Variants in SREBF2 observed in about 807,000 individuals in gnomAD.
The protein encoded by SREBF2 is sterol regulatory element-binding protein 2.
Under a neutral mutation model 113.1 loss-of-function variants are expected in SREBF2, and 55 were observed. The observed-to-expected ratio is 0.49, with a 90% CI of 0.39 to 0.61. SREBF2 has a LOEUF of 0.61. Ranked by LOEUF, SREBF2 falls within the 20% of genes least tolerant of loss-of-function variation. The pLI is 0.00. For synonymous variants in SREBF2, 593 were observed against 605.7 expected (o/e 0.98, Z 0.31); for missense variants, 1,349 against 1,487.4 (o/e 0.91, Z 1.53).
chr22:41,878,039 T>C lies in SREBF2; in HGVS notation c.1677T>C (p.His559=). Reference sequence around the variant, plus strand: ...GCGTCTTTGTGAAGCTGCTGGTTCATGGGGAGCCAGTGATCCGGCCACACT... The same window carrying C: ...GCGTCTTTGTGAAGCTGCTGGTTCACGGGGAGCCAGTGATCCGGCCACACT... ...VLSVFVKLLV[H]GEPVIRPHSR... Residue 559 remains histidine, a synonymous_variant, in exon 9 of 19, where the codon CAT becomes CAC. Coordinates refer to ENST00000361204, the MANE Select transcript of SREBF2 (RefSeq NM_004599.4). The C allele has an allele frequency of 6.2e-7, 1 of 1,614,190 alleles. No individual in the cohort carries two copies. The highest frequency in any genetic ancestry group is 8.5e-7 in the Non-Finnish European group (1 of 1,180,028).
At chr22:41,904,503 C>T (rs944677135) in intron 17 of SREBF2, 2 of 504,012 alleles carry the variant, frequency 4.0e-6, no homozygotes, top group East Asian at 1.1e-4. Flanking sequence ...CCCCTCTGTC[C>T]CTGTCACACC....
intron 4 of SREBF2, among the ~76,000 whole-genome samples, chr22:41,872,017 G>A (rs1016008917): frequency 3.9e-5 from 6 of 151,968 alleles, no homozygotes; most frequent in Admixed American, 6.6e-5. Context: ...TTGGGAGGCC[G>A]AGGTGGGTAG....
At chr22:41,882,190 G>A (rs1410651841) in intron 10 of SREBF2, among the ~76,000 whole-genome samples, 1 of 152,138 alleles carries the variant, frequency 6.6e-6, no homozygotes, top group African/African-American at 2.4e-5. Context: ...ATTAGAAGGT[G>A]GAATTGACTG....
Position 41,905,619 on chromosome 22 carries a change from A to G in SREBF2, c.3385A>G (p.Ile1129Val). Reference protein sequence around the residue: ...RRSCNDCQQMIVKLGGGTAIA... With the variant: ...RRSCNDCQQMVVKLGGGTAIA... Reference sequence around the variant, plus strand: ...CTCCTGCAACGACTGCCAGCAGATGATTGTTAAGCTGGGTGGTGGCACTGC... The same window carrying G: ...CTCCTGCAACGACTGCCAGCAGATGGTTGTTAAGCTGGGTGGTGGCACTGC... Residue 1129 changes from isoleucine (I) to valine (V), a missense_variant, in exon 19 of 19, where the codon ATT becomes GTT. Physicochemically the swap from Ile to Val is conservative, Grantham distance 29. Transcript: ENST00000361204. 1 of 1,598,870 alleles carries G rather than the reference A, an allele frequency of 6.3e-7. No homozygotes were observed. The highest frequency in any genetic ancestry group is 1.7e-4 in the Middle Eastern group (1 of 6,056).
At chr22:41,873,679 A>G (rs769066024) in intron 4 of SREBF2, 119 bp from the exon 5 acceptor site, 48 of 994,520 alleles carry the variant, frequency 4.8e-5, no homozygotes, top group Non-Finnish European at 5.9e-5. Context: ...AGAGTCTCAG[A>G]CCTCATGAAG....
intron 1 of SREBF2, among the ~76,000 whole-genome samples, chr22:41,857,120 G>A (rs1244724609): frequency 6.6e-6 from 1 of 151,428 alleles, no homozygotes; most frequent in Non-Finnish European, 1.5e-5. Context: ...GGATGAACAA[G>A]ATACTCAAAG....
chr22:41,885,544 A>G, intron 11 of SREBF2: 1 of 184,332 alleles, frequency 5.4e-6, no homozygotes, highest in Non-Finnish European at 1.2e-5. Flanking sequence ...GTCTACAAGG[A>G]GCTCAGGTCA....
chr22:41,900,760 T>C (rs1602350147), intron 16 of SREBF2, among the ~76,000 whole-genome samples: 1 of 152,318 alleles, frequency 6.6e-6, no homozygotes, highest in Middle Eastern at 3.4e-3. Context: ...GCCCATAGCC[T>C]CTGTAAGCCC....
intron 11 of SREBF2, among the ~76,000 whole-genome samples, chr22:41,889,815 A>G (rs1177681395): frequency 6.6e-6 from 1 of 152,076 alleles, no homozygotes; most frequent in Non-Finnish European, 1.5e-5. Flanking sequence ...AGCCTGGCCA[A>G]CATGATGAAA....
At chr22:41,870,748 T>G (rs2077132261) in intron 3 of SREBF2, 141 bp from the exon 4 acceptor site, 1 of 1,224,142 alleles carries the variant, frequency 8.2e-7, no homozygotes, top group Non-Finnish European at 1.2e-6. Context: ...CTATGAAATT[T>G]CCTGTTCATT....
chr22:41,839,991 ACT>A (rs1473326873), intron 1 of SREBF2, among the ~76,000 whole-genome samples: 1 of 121,098 alleles, frequency 8.3e-6, no homozygotes, highest in African/African-American at 3.3e-5. Context: ...ACGGAGTCTC[ACT>A]CTGTCGCCCA....
intron 1 of SREBF2, among the ~76,000 whole-genome samples, chr22:41,842,756 G>A (rs1239224116): frequency 2.0e-5 from 3 of 152,256 alleles, no homozygotes; most frequent in South Asian, 2.1e-4. Context: ...TGGGGAGGCC[G>A]AGCCGGGTGA....
chr22:41,905,008 C>CA, intron 18 of SREBF2, 34 bp downstream of exon 18: 1 of 1,531,724 alleles, frequency 6.5e-7, no homozygotes, highest in Non-Finnish European at 8.8e-7. Context: ...ACAGGCTGGG[C>CA]CAGGCCCTGC....
chr22:41,876,616 A>T (rs1361756441), intron 7 of SREBF2, among the ~76,000 whole-genome samples: 1 of 152,206 alleles, frequency 6.6e-6, no homozygotes, highest in Non-Finnish European at 1.5e-5. Flanking sequence ...GTAGACAATG[A>T]TACAGTTTTA....
At chr22:41,884,755 C>A in intron 10 of SREBF2, 87 bp from the exon 11 acceptor site, 2 of 1,453,618 alleles carry the variant, frequency 1.4e-6, no homozygotes, top group Non-Finnish European at 1.9e-6. Flanking sequence ...CCTGGTTCCT[C>A]TCTTACTTTG....
At chr22:41,856,094 T>C (rs1296362258) in intron 1 of SREBF2, among the ~76,000 whole-genome samples, 1 of 152,090 alleles carries the variant, frequency 6.6e-6, no homozygotes, top group Non-Finnish European at 1.5e-5. Flanking sequence ...TATAACGTTT[T>C]TTTTTGGTCT....
At chr22:41,877,567 G>A in intron 8 of SREBF2, 146 bp downstream of exon 8, 1 of 974,120 alleles carries the variant, frequency 1.0e-6, no homozygotes, top group Non-Finnish European at 1.6e-6. Flanking sequence ...GATAGGGACT[G>A]GCATAAGTTC....
chr22:41,857,108 T>C (rs2076984255), intron 1 of SREBF2, among the ~76,000 whole-genome samples: 1 of 151,568 alleles, frequency 6.6e-6, no homozygotes, highest in South Asian at 2.1e-4. Context: ...TAAAAGGCTG[T>C]TGGATGAACA....
chr22:41,897,720 G>A (rs1459438926), intron 14 of SREBF2, among the ~76,000 whole-genome samples: 1 of 152,188 alleles, frequency 6.6e-6, no homozygotes, highest in East Asian at 1.9e-4. Context: ...CCTGGAAGAT[G>A]GGGGTACCAA....
Sources: gnomAD v4.1 joint callset for allele counts (sites outside exome capture counted in the v4.1 genomes callset) on GRCh38, gnomAD v4.1.1 for gene constraint, MANE v1.5 for transcripts, NCBI Gene and HGNC (gene_info 2026-07-23, HGNC 2026-07-21) for gene names.